Variants in MARCHF10 observed in about 807,000 individuals in gnomAD.
MARCHF10 encodes membrane associated ring-CH-type finger 10, also known as probable E3 ubiquitin-protein ligase MARCHF10.
Under a neutral mutation model 76.2 loss-of-function variants are expected in MARCHF10, and 64 were observed. That is an observed-to-expected ratio of 0.84 (90% CI 0.69 to 1.03). The LOEUF is 1.03. MARCHF10 is among the 50% of genes least tolerant of loss of function. MARCHF10 has a pLI of 0.00. For missense variants in MARCHF10, 875 were observed against 958.0 expected, an observed-to-expected ratio of 0.91 and a Z score of 1.14; for synonymous variants, 340 against 357.5, an observed-to-expected ratio of 0.95 and a Z score of 0.55.
At chr17:62,793,024 C>A (rs1274171124) in intron 2 of MARCHF10, among the ~76,000 whole-genome samples, 1 of 149,426 alleles carries the variant, frequency 6.7e-6, no homozygotes, top group East Asian at 2.0e-4. Flanking sequence ...ACAACCATCA[C>A]CACCACCTCC....
At chr17:62,743,500 G>C (rs954855940) in intron 5 of MARCHF10, among the ~76,000 whole-genome samples, 1 of 152,042 alleles carries the variant, frequency 6.6e-6, no homozygotes, top group Non-Finnish European at 1.5e-5. Flanking sequence ...AAAATTAGCC[G>C]GGCATGGTGG....
chr17:62,774,061 G>A (rs2092499876), intron 3 of MARCHF10, among the ~76,000 whole-genome samples: 1 of 152,216 alleles, frequency 6.6e-6, no homozygotes, highest in Non-Finnish European at 1.5e-5. Context: ...CAATCACAGG[G>A]CAAGGAAAGA....
rs2092265643 is a variant in MARCHF10 at position 62,763,797 on chromosome 17, GTTC to G, written c.211-3794_211-3792del. On this transcript the variant is annotated intron_variant, in intron 3 of 10. Coordinates refer to ENST00000311269, the MANE Select transcript of MARCHF10 (RefSeq NM_152598.4). Reference sequence around the variant, plus strand: ...ATTCTCTGCTGAGAATCTGATGAAAGTTCTAACAAAGCCATGTTAACTAAAATA... The same window carrying G: ...ATTCTCTGCTGAGAATCTGATGAAAGTAACAAAGCCATGTTAACTAAAATA... 2.0e-5 allele frequency among the ~76,000 whole-genome samples: 3 copies of G among 152,176 alleles called. No individual in the cohort carries two copies. In the South Asian group the frequency reaches 6.2e-4, roughly 31 times the overall value.
chr17:62,757,672 G>A (rs925491031), intron 4 of MARCHF10, among the ~76,000 whole-genome samples: 8 of 152,232 alleles, frequency 5.3e-5, no homozygotes, highest in African/African-American at 1.9e-4. Context: ...CCTGGGGACA[G>A]CCAGGCCACA....
Position 62,788,480 on chromosome 17 carries a change from C to G in MARCHF10, c.210G>C (p.Gln70His). 6.2e-7 allele frequency: 1 copy of G among 1,614,098 alleles called. No individual in the cohort carries two copies. The highest frequency in any genetic ancestry group is 8.5e-7 in the Non-Finnish European group (1 of 1,180,014). ...SRFSSRSSSKQSSSEEDALTE... is the reference protein window; with the variant it reads ...SRFSSRSSSKHSSSEEDALTE... ...GACTGTCTCCCAGAATTCTTCATACCTGTTTGGAAGATGACCTGCTAGAAA... is the reference window on the plus strand; with the variant it reads ...GACTGTCTCCCAGAATTCTTCATACGTGTTTGGAAGATGACCTGCTAGAAA... The change falls in exon 3 of 11, where the codon CAG becomes CAC. Residue 70 changes from glutamine to histidine, a missense_variant and splice_region_variant. Gln to His is a conservative substitution (Grantham distance 24). Coordinates refer to ENST00000311269, the MANE Select transcript of MARCHF10 (RefSeq NM_152598.4).
chr17:62,736,728 A>G lies in MARCHF10; in HGVS notation c.1140T>C (p.Pro380=). 1 of 1,614,114 alleles carries G rather than the reference A, an allele frequency of 6.2e-7. No individual in the cohort carries two copies. Among genetic ancestry groups the G allele is most frequent in the Non-Finnish European group, 8.5e-7 (1 of 1,180,024 alleles). ...CCTTCTCTGTAGCAGATTCCCTATC[A>G]GGCAGCCCGGGGTCTTGGGACAACC... is the stretch of plus-strand genomic sequence containing the variant. ...GQRLSQDPGL[P]DRESATEKDR... The change falls in exon 6 of 11, where the codon CCT becomes CCC. Residue 380 remains proline (P), a synonymous_variant. Coordinates refer to ENST00000311269, the MANE Select transcript of MARCHF10 (RefSeq NM_152598.4).
chr17:62,798,006 T>C (rs2093013138), intron 2 of MARCHF10, among the ~76,000 whole-genome samples: 1 of 151,986 alleles, frequency 6.6e-6, no homozygotes, highest in African/African-American at 2.4e-5. Flanking sequence ...AGCAGGGAGA[T>C]GGACATGGGG....
rs34556672 is a variant in MARCHF10, at chr17:62,789,069, C to CAAAAAAA, written c.91-477_91-471dup. The stretch of plus-strand genomic sequence containing the variant: ...TGGGCGACAGAGCGAGACTCCGTCT[C>CAAAAAAA]AAAAAAAAAAAAAAAAAAAAAAAAA... On this transcript the variant is annotated intron_variant, in intron 2 of 10. Coordinates refer to ENST00000311269, the MANE Select transcript of MARCHF10 (RefSeq NM_152598.4). 1.4e-4 allele frequency among the ~76,000 whole-genome samples: 5 copies of CAAAAAAA among 36,892 alleles called. 1 individual carries two copies. The highest frequency in any genetic ancestry group is 2.0e-4 in the Non-Finnish European group (4 of 19,850). The allele number at this position is 36,892 out of a possible 152,430, so 24.2% of individuals were successfully genotyped here.
chr17:62,750,198 C>T (rs996966117), intron 4 of MARCHF10: 1 of 152,908 alleles, frequency 6.5e-6, no homozygotes, highest in East Asian at 1.9e-4. Flanking sequence ...GCAAGAGTGA[C>T]TTACCACATG....
intron 8 of MARCHF10, among the ~76,000 whole-genome samples, chr17:62,715,202 C>A (rs185508033): frequency 6.6e-6 from 1 of 152,194 alleles, no homozygotes; most frequent in African/African-American, 2.4e-5. Flanking sequence ...AGGGTGAGCA[C>A]GTGGTAGCTG....
intron 3 of MARCHF10, among the ~76,000 whole-genome samples, chr17:62,765,351 C>CCA (rs2092304148): frequency 4.1e-5 from 3 of 73,604 alleles, no homozygotes; most frequent in African/African-American, 1.8e-4. Flanking sequence ...GACTCTGTCT[C>CCA]AAAAAAAAAA....
At chr17:62,763,137 T>C (rs1015340358) in intron 3 of MARCHF10, among the ~76,000 whole-genome samples, 1 of 152,220 alleles carries the variant, frequency 6.6e-6, no homozygotes, top group Admixed American at 6.5e-5. Context: ...CATATACATG[T>C]AACCCAGCAA....
intron 3 of MARCHF10, 60 bp downstream of exon 3, chr17:62,788,420 C>T (rs1171066418): frequency 6.3e-7 from 1 of 1,592,472 alleles, no homozygotes; most frequent in Non-Finnish European, 8.6e-7. Context: ...CACACACACA[C>T]ACCACCACCA....
At position 62,736,501 on chromosome 17, in the gene MARCHF10, G is replaced by T. The variant is rs199575135; in HGVS notation, c.1367C>A (p.Ser456Tyr). 2.8e-5 allele frequency: 46 copies of T among 1,614,210 alleles called. No individual in the cohort carries two copies. Among genetic ancestry groups the T allele is most frequent in the Non-Finnish European group, 3.8e-5 (45 of 1,180,032 alleles). The stretch of plus-strand genomic sequence containing the variant: ...TGATCTTGGAGATATTGGTCTGCCA[G>T]AAATAAAGTAGTCAAGAGAATTTTG... ...SSQNSLDYFI[S>Y]GRPISPRSSV... is the part of the protein sequence containing the mutation. The change falls in exon 6 of 11, where the codon TCT becomes TAT. Residue 456 changes from serine to tyrosine, a missense_variant. Transcript: ENST00000311269.
At chr17:62,751,675 G>A (rs1321267076) in intron 4 of MARCHF10, among the ~76,000 whole-genome samples, 1 of 152,172 alleles carries the variant, frequency 6.6e-6, no homozygotes, top group Admixed American at 6.5e-5. Flanking sequence ...AGATGCTGCA[G>A]CTAAAATCAG....
chr17:62,739,486 A>G (rs1412434826), intron 5 of MARCHF10, among the ~76,000 whole-genome samples: 1 of 151,440 alleles, frequency 6.6e-6, no homozygotes, highest in Non-Finnish European at 1.5e-5. Flanking sequence ...GGTTCAAGCA[A>G]TTCTCCTGCC....
chr17:62,716,497 A>T (rs911209496), intron 8 of MARCHF10, among the ~76,000 whole-genome samples: 5 of 151,642 alleles, frequency 3.3e-5, no homozygotes, highest in Middle Eastern at 3.2e-3. Context: ...GCTACTTAGG[A>T]GGCTGAGGCA....
rs1485095416 is a variant in MARCHF10, at chr17:62,738,143, C to T, written c.536-811G>A. On this transcript the variant is annotated intron_variant, in intron 5 of 10. Transcript: ENST00000311269. The surrounding 1 kb of genome is among the most constrained non-coding windows in gnomAD (Gnocchi z 4.0). ...CTGTGAAATAGGTAACACAATCATACGACATTATAACTTGAGAGTACCAAG... is the reference window on the plus strand; with the variant it reads ...CTGTGAAATAGGTAACACAATCATATGACATTATAACTTGAGAGTACCAAG... 1.3e-5 allele frequency among the ~76,000 whole-genome samples: 2 copies of T among 149,586 alleles called. No individual in the cohort carries two copies. The highest frequency in any genetic ancestry group is 2.0e-4 in the East Asian group (1 of 5,100).
chr17:62,782,345 C>CTTTTTT (rs10676023), intron 3 of MARCHF10, among the ~76,000 whole-genome samples: 11 of 107,024 alleles, frequency 1.0e-4, no homozygotes, highest in African/African-American at 3.0e-4. Context: ...AACAACTGTT[C>CTTTTTT]TTTTTTTTTT....
Sources: gnomAD v4.1 joint callset for allele counts (sites outside exome capture counted in the v4.1 genomes callset) on GRCh38, gnomAD v4.1.1 for gene constraint, Gnocchi (gnomAD v3.1) non-coding constraint, MANE v1.5 for transcripts, NCBI Gene and HGNC (gene_info 2026-07-23, HGNC 2026-07-21) for gene names.